TEK: variants seen among roughly 807,000 people sequenced by gnomAD.
TEK encodes the protein angiopoietin-1 receptor.
In TEK, 43 loss-of-function variants were observed where a neutral mutation model predicts 131.8. The ratio of observed to expected loss-of-function variants is 0.33; its 90% CI spans 0.26 to 0.42. The LOEUF is 0.42. Among genes scored for constraint, TEK ranks in the 10% least tolerant of loss-of-function variants. TEK has a pLI of 1.00. For synonymous variants in TEK, 580 were observed against 491.6 expected (o/e 1.18, Z -2.38); for missense variants, 1,162 against 1,384.4 (o/e 0.84, Z 2.55).
intron 16 of TEK, among the ~76,000 whole-genome samples, chr9:27,212,143 T>C (rs1825658063): frequency 6.6e-6 from 1 of 152,138 alleles, no homozygotes; most frequent in South Asian, 2.1e-4. Flanking sequence ...TAACCTCTGG[T>C]GGCCAGAGAC....
At chr9:27,129,638 A>G (rs374975667) in intron 1 of TEK, among the ~76,000 whole-genome samples, 22 of 152,188 alleles carry the variant, frequency 1.4e-4, no homozygotes, top group African/African-American at 5.3e-4. Flanking sequence ...GGCTTATGCA[A>G]ATATTCACCC....
intron 1 of TEK, among the ~76,000 whole-genome samples, chr9:27,146,831 G>A (rs552907528): frequency 5.3e-4 from 79 of 148,912 alleles, no homozygotes; most frequent in African/African-American, 1.7e-3. Context: ...CCGGGTTCAC[G>A]CCATTCTCCT....
At chr9:27,126,151 TG>T (rs1821980507) in intron 1 of TEK, among the ~76,000 whole-genome samples, 1 of 152,202 alleles carries the variant, frequency 6.6e-6, no homozygotes, top group South Asian at 2.1e-4. Context: ...TGTGTCTTGG[TG>T]TAAAGACAAA....
At chr9:27,126,474 G>A (rs552349367) in intron 1 of TEK, among the ~76,000 whole-genome samples, 15 of 152,316 alleles carry the variant, frequency 9.8e-5, no homozygotes, top group Non-Finnish European at 1.2e-4. Flanking sequence ...CTCTGTGCAT[G>A]TATTCAAATG....
Position 27,209,973 on chromosome 9 carries a change from C to G in TEK, c.2686+742C>G, listed in dbSNP as rs1025608912. On this transcript the variant is annotated intron_variant, in intron 16 of 22. Coordinates refer to ENST00000380036, the MANE Select transcript of TEK (RefSeq NM_000459.5). ...ACTTCACTTCTCGTGGAAAAGTTTG[C>G]TCCCACAAAAAGCTCCATGCAGTAA... 9.8e-5 allele frequency among the ~76,000 whole-genome samples: 15 copies of G among 152,286 alleles called. No individual in the cohort carries two copies. In the South Asian group the frequency reaches 1.0e-3, roughly 11 times the overall value.
chr9:27,168,660 A>G (rs1343072108), intron 3 of TEK, 55 bp downstream of exon 3: 7 of 1,248,930 alleles, frequency 5.6e-6, no homozygotes, highest in Non-Finnish European at 7.0e-6. Context: ...CAGATAACAT[A>G]CAACATATTG....
intron 2 of TEK, among the ~76,000 whole-genome samples, chr9:27,163,082 C>T (rs1823604093): frequency 6.6e-6 from 1 of 152,132 alleles, no homozygotes; most frequent in Non-Finnish European, 1.5e-5. Flanking sequence ...CTGACATTCC[C>T]CTAGCAACTT....
At position 27,203,129 on chromosome 9, in the gene TEK, A is replaced by G; in HGVS notation, c.2209+10A>G. The G allele has an allele frequency of 6.2e-7, 1 of 1,613,892 alleles. No homozygotes were observed. Among genetic ancestry groups the G allele is most frequent in the Non-Finnish European group, 8.5e-7 (1 of 1,179,882 alleles). On this transcript the variant is annotated intron_variant, in intron 13 of 22. Transcript: ENST00000380036. ...CTCCCAGAATCTCAAGGTTGGTTGA[A>G]TGGACAAGTATTTACATAGGATTAC...
In TEK at chr9:27,122,686, C is replaced by T. The variant is rs186133583; in HGVS notation, c.52+13044C>T. On this transcript the variant is annotated intron_variant, in intron 1 of 22. Coordinates refer to ENST00000380036, the MANE Select transcript of TEK (RefSeq NM_000459.5). ...TGGGAACCTACATCGAGAGGTAATA[C>T]GGGTAGAGAAAGAGGAGACTGATGA... Among the ~76,000 whole-genome samples the T allele has an allele frequency of 1.3e-3, 192 of 151,900 alleles. 1 individual carries two copies. The highest frequency in any genetic ancestry group is 4.3e-3 in the African/African-American group (179 of 41,434).
At chr9:27,145,261 G>A (rs1822871230) in intron 1 of TEK, among the ~76,000 whole-genome samples, 1 of 152,298 alleles carries the variant, frequency 6.6e-6, no homozygotes, top group Admixed American at 6.5e-5. Flanking sequence ...CTGTAAAAAA[G>A]GGGGCAAGAA....
chr9:27,222,288 T>G (rs1370336075), intron 21 of TEK, among the ~76,000 whole-genome samples: 1 of 152,108 alleles, frequency 6.6e-6, no homozygotes, highest in Non-Finnish European at 1.5e-5. Context: ...GAAAACCCTC[T>G]TCAGGATATC....
At chr9:27,213,621 A>G (rs45471492) in intron 18 of TEK, 24 bp downstream of exon 18, 20,574 of 1,561,914 alleles carry the variant, frequency 0.013, 176 homozygotes, top group Non-Finnish European at 0.015. Context: ...ACAGACACTG[A>G]TCGCATCCTT....
intron 22 of TEK, 42 bp downstream of exon 22, chr9:27,228,347 C>G: frequency 6.9e-7 from 1 of 1,452,382 alleles, no homozygotes; most frequent in Non-Finnish European, 9.7e-7. Flanking sequence ...ATTGGAATAC[C>G]TGATGTGCCC....
intron 2 of TEK, 59 bp downstream of exon 2, chr9:27,158,201 G>C: frequency 6.2e-7 from 1 of 1,601,934 alleles, no homozygotes; most frequent in South Asian, 1.1e-5. Context: ...CACACCTTTT[G>C]TCTTGGCAGC....
chr9:27,225,171 G>A (rs1010834334), intron 21 of TEK, among the ~76,000 whole-genome samples: 2 of 151,744 alleles, frequency 1.3e-5, no homozygotes, highest in Non-Finnish European at 2.9e-5. Flanking sequence ...TTGTGAAAAT[G>A]GCCACACTGC....
chr9:27,152,506 G>GA (rs758131030), intron 1 of TEK, among the ~76,000 whole-genome samples: 10 of 150,762 alleles, frequency 6.6e-5, no homozygotes, highest in African/African-American at 1.2e-4. Flanking sequence ...CTTCATCTGT[G>GA]AAAAAATGAA....
At chr9:27,171,843 T>C (rs1018737891) in intron 4 of TEK, among the ~76,000 whole-genome samples, 1 of 152,212 alleles carries the variant, frequency 6.6e-6, no homozygotes, top group Non-Finnish European at 1.5e-5. Flanking sequence ...TCCCCTTTTA[T>C]TCCACTACTC....
At chr9:27,158,250 G>C (rs74911341) in intron 2 of TEK, 108 bp downstream of exon 2, 2 of 1,274,070 alleles carry the variant, frequency 1.6e-6, no homozygotes, top group African/African-American at 2.9e-5. Flanking sequence ...CCTGAATGTA[G>C]AGCTTGACGA....
rs749405516 is a variant in TEK at position 27,190,614 on chromosome 9, T to G, written c.1413T>G (p.Phe471Leu). 3 of 1,613,896 alleles carry G rather than the reference T, an allele frequency of 1.9e-6. No individual in the cohort carries two copies. Among genetic ancestry groups the G allele is most frequent in the Non-Finnish European group, 2.5e-6 (3 of 1,179,934 alleles). The change falls in exon 10 of 23, where the codon TTT becomes TTG. Residue 471 changes from phenylalanine to leucine, a missense_variant. Around this residue, in one of 6 missense-constraint regions of TEK, gnomAD observed 477 missense variants for 471.0 expected, o/e 1.01. Transcript: ENST00000380036. ...TCAACATCAGCTCTGAGCCTTACTT[T>G]GGGGATGGACCAATCAAATCCAAGA... ...AVINISSEPY[F>L]GDGPIKSKKL...
Sources: gnomAD v4.1 joint callset for allele counts (sites outside exome capture counted in the v4.1 genomes callset) on GRCh38, gnomAD v4.1.1 for gene constraint, gnomAD v4.1.1 regional missense constraint, MANE v1.5 for transcripts, NCBI Gene and HGNC (gene_info 2026-07-23, HGNC 2026-07-21) for gene names.